The following MYO1E variants were observed in gnomAD, a reference collection of about 807,000 sequenced individuals.
MYO1E encodes the protein unconventional myosin-Ie.
In MYO1E, 68 loss-of-function variants were observed where a neutral mutation model predicts 151.1. That is an observed-to-expected ratio of 0.45 (90% CI 0.37 to 0.55). MYO1E has a LOEUF of 0.55. Ranked by LOEUF, MYO1E falls within the 20% of genes least tolerant of loss-of-function variation. The probability of loss-of-function intolerance (pLI) is 0.00; values close to 1 mark genes in which losing one functional copy is unlikely to be tolerated. For synonymous variants in MYO1E, 601 were observed against 501.7 expected (o/e 1.20, Z -2.64); for missense variants, 1,363 against 1,389.3 (o/e 0.98, Z 0.30).
At chr15:59,177,550 G>C (rs560436913) in intron 19 of MYO1E, among the ~76,000 whole-genome samples, 8 of 152,124 alleles carry the variant, frequency 5.3e-5, no homozygotes, top group African/African-American at 1.9e-4. Context: ...GATGGTTAAG[G>C]GAGCCTTGAG....
intron 15 of MYO1E, 97 bp from the exon 16 acceptor site, chr15:59,202,504 G>T: frequency 3.6e-6 from 4 of 1,100,742 alleles, no homozygotes; most frequent in Non-Finnish European, 4.2e-6. Context: ...CCGTCCCCAG[G>T]CACATAACCT....
At chr15:59,263,351 C>A (rs984351303) in intron 2 of MYO1E, among the ~76,000 whole-genome samples, 1 of 152,156 alleles carries the variant, frequency 6.6e-6, no homozygotes, top group Admixed American at 6.5e-5. Context: ...GAGCACAGCA[C>A]ATAGTAATGG....
intron 3 of MYO1E, among the ~76,000 whole-genome samples, chr15:59,260,837 A>C (rs2080220347): frequency 6.6e-6 from 1 of 152,132 alleles, no homozygotes; most frequent in Admixed American, 6.5e-5. Flanking sequence ...GAAGATCCCT[A>C]AGCTGTAGGT....
In MYO1E at chr15:59,217,988, T is replaced by G; in HGVS notation, c.1010A>C (p.Glu337Ala). 1 of 1,614,222 alleles carries G rather than the reference T, an allele frequency of 6.2e-7. No homozygotes were observed. The highest frequency in any genetic ancestry group is 8.5e-7 in the Non-Finnish European group (1 of 1,180,032). ...QMDSKWGGKSESIHVTLNVEQ... is the reference protein window; with the variant it reads ...QMDSKWGGKSASIHVTLNVEQ... ...TACGTTGAGGGTCACGTGGATGGAT[T>G]CGGATTTGCCTCCCCACTTGCTATC... Residue 337 changes from glutamate (E) to alanine (A), a missense_variant, in exon 10 of 28, where the codon GAA (glutamate) becomes GCA (alanine). Transcript: ENST00000288235.
At chr15:59,303,789 T>C (rs995866358) in intron 1 of MYO1E, among the ~76,000 whole-genome samples, 11 of 152,040 alleles carry the variant, frequency 7.2e-5, no homozygotes, top group African/African-American at 1.7e-4. Context: ...CACAAAACCA[T>C]TGCTCAAAAG....
intron 2 of MYO1E, among the ~76,000 whole-genome samples, chr15:59,269,073 T>C (rs2080274712): frequency 6.6e-6 from 1 of 152,156 alleles, no homozygotes; most frequent in Non-Finnish European, 1.5e-5. Context: ...GGCTTGTCAA[T>C]ACTCCATTTA....
At chr15:59,265,863 A>C (rs1472692507) in intron 2 of MYO1E, among the ~76,000 whole-genome samples, 3 of 149,650 alleles carry the variant, frequency 2.0e-5, no homozygotes, top group African/African-American at 7.4e-5. Context: ...GCTACTTGGG[A>C]GGCTGAGGTG....
chr15:59,249,826 G>A (rs533150680), intron 4 of MYO1E, among the ~76,000 whole-genome samples: 2 of 152,030 alleles, frequency 1.3e-5, no homozygotes, highest in East Asian at 3.9e-4. Flanking sequence ...CATTCAACTC[G>A]GCCCCTAACA....
In MYO1E at chr15:59,160,925, T is replaced by C. The variant is rs1202673552; in HGVS notation, c.2785+148A>G. The C allele has an allele frequency of 3.6e-6, 4 of 1,117,958 alleles. No homozygotes were observed. The Admixed American group carries it at 5.5e-5, about 15-fold the overall frequency. The allele number at this position is 1,117,958 out of a possible 1,614,324, so 69.3% of individuals were successfully genotyped here. ...TCCTTGCTGTTGCTTTAGTTTGAAA[T>C]GTTCCATTCTGAAGAAAGCGTGAGC... On this transcript the variant is annotated intron_variant, in intron 24 of 27. Coordinates refer to ENST00000288235, the MANE Select transcript of MYO1E (RefSeq NM_004998.4).
chr15:59,325,946 G>T (rs892468019), intron 1 of MYO1E, among the ~76,000 whole-genome samples: 4 of 152,140 alleles, frequency 2.6e-5, no homozygotes, highest in African/African-American at 4.8e-5. Context: ...ATCAGAATGT[G>T]GAGGCATCAA....
intron 1 of MYO1E, among the ~76,000 whole-genome samples, chr15:59,301,285 T>G (rs531315028): frequency 6.6e-6 from 1 of 152,362 alleles, no homozygotes; most frequent in South Asian, 2.1e-4. Flanking sequence ...AATAAGAATG[T>G]ATCTTTACAT....
At chr15:59,250,410 T>C (rs1350601841) in intron 4 of MYO1E, among the ~76,000 whole-genome samples, 3 of 152,110 alleles carry the variant, frequency 2.0e-5, no homozygotes, top group Non-Finnish European at 4.4e-5. Flanking sequence ...ACTGTGAGTA[T>C]TGTCACACCT....
At chr15:59,297,027 G>A (rs56271861) in intron 1 of MYO1E, among the ~76,000 whole-genome samples, 116 of 27,916 alleles carry the variant, frequency 4.2e-3, no homozygotes, top group East Asian at 0.015. Flanking sequence ...AATTTTTTGT[G>A]TTTTTTTGTA....
chr15:59,339,680 C>G (rs941474746), intron 1 of MYO1E, among the ~76,000 whole-genome samples: 2 of 152,156 alleles, frequency 1.3e-5, no homozygotes, highest in Non-Finnish European at 2.9e-5. Context: ...ATTAAAAGGT[C>G]TCCCTACTAA....
At chr15:59,371,996 C>T (rs2080948254) in intron 1 of MYO1E, among the ~76,000 whole-genome samples, 1 of 149,858 alleles carries the variant, frequency 6.7e-6, no homozygotes, top group East Asian at 2.0e-4. Context: ...GGCGGGACAG[C>T]TGCGGGCGCT....
intron 26 of MYO1E, among the ~76,000 whole-genome samples, chr15:59,151,982 C>T (rs564727576): frequency 6.6e-6 from 1 of 151,980 alleles, no homozygotes; most frequent in South Asian, 2.1e-4. Context: ...GCAGGGGAAT[C>T]GCTTGAACCC....
At chr15:59,268,706 T>A (rs1426444575) in intron 2 of MYO1E, among the ~76,000 whole-genome samples, 1 of 148,506 alleles carries the variant, frequency 6.7e-6, no homozygotes, top group African/African-American at 2.5e-5. Context: ...TGATGGGTTC[T>A]GGGTGACTTT....
chr15:59,188,227 G>A lies in MYO1E; in HGVS notation c.1806-11C>T, dbSNP rs376673277. 22 of 1,604,288 alleles carry A rather than the reference G, an allele frequency of 1.4e-5. No homozygotes were observed. The Admixed American group carries it at 3.7e-4, about 27-fold the overall frequency. ...ACTTGATGCTTTACCCTGTGCAAAG[G>A]AGAAAATGGGGCCTGGACATTACTG... On this transcript the variant is annotated splice_polypyrimidine_tract_variant and intron_variant, in intron 17 of 27. Transcript: ENST00000288235.
intron 1 of MYO1E, among the ~76,000 whole-genome samples, chr15:59,358,721 T>G (rs1188083412): frequency 1.3e-5 from 2 of 152,238 alleles, no homozygotes; most frequent in African/African-American, 4.8e-5. Context: ...CCCTGACATA[T>G]TTATTTGGAG....
Sources: gnomAD v4.1 joint callset for allele counts (sites outside exome capture counted in the v4.1 genomes callset) on GRCh38, gnomAD v4.1.1 for gene constraint, MANE v1.5 for transcripts, NCBI Gene and HGNC (gene_info 2026-07-23, HGNC 2026-07-21) for gene names.